APPL1: variants seen among roughly 807,000 people sequenced by gnomAD.
The protein encoded by APPL1 is DCC-interacting protein 13-alpha.
A neutral mutation model predicts 106.8 loss-of-function variants in APPL1; 42 were observed. That is an observed-to-expected ratio of 0.39 (90% CI 0.31 to 0.51). The LOEUF (loss-of-function observed/expected upper bound fraction) is 0.51. APPL1 is among the 20% of genes least tolerant of loss of function. APPL1 has a pLI of 0.75. For synonymous variants in APPL1, 263 were observed against 281.8 expected, an observed-to-expected ratio of 0.93 and a Z score of 0.67; for missense variants, 769 against 858.2, an observed-to-expected ratio of 0.90 and a Z score of 1.30.
intron 14 of APPL1, 36 bp downstream of exon 14, chr3:57,257,087 T>C: frequency 6.3e-7 from 1 of 1,598,186 alleles, no homozygotes; most frequent in Non-Finnish European, 8.6e-7. Flanking sequence ...AAGAAGGAGA[T>C]GGGCTATTTA....
At chr3:57,260,282 T>C (rs2060858299) in intron 18 of APPL1, 129 bp downstream of exon 18, 1 of 1,021,194 alleles carries the variant, frequency 9.8e-7, no homozygotes, top group Non-Finnish European at 1.4e-6. Context: ...CTTTGGCTGT[T>C]GTAGTTAAGT....
chr3:57,251,347 A>C (rs1044086974), intron 11 of APPL1, among the ~76,000 whole-genome samples: 1 of 151,334 alleles, frequency 6.6e-6, no homozygotes, highest in Non-Finnish European at 1.5e-5. Context: ...AATGTGGTGA[A>C]ATCCAGTCTC....
chr3:57,255,824 T>G (rs981911831), intron 13 of APPL1, among the ~76,000 whole-genome samples: 1 of 152,144 alleles, frequency 6.6e-6, no homozygotes, highest in Non-Finnish European at 1.5e-5. Flanking sequence ...AATAATTTAT[T>G]TTATCATTTA....
rs1160336737 is a variant in APPL1, at chr3:57,271,255, A to G, written c.*1568A>G. The G allele has an allele frequency of 6.6e-6, 1 of 152,598 alleles. No homozygotes were observed. Among genetic ancestry groups the G allele is most frequent in the African/African-American group, 2.4e-5 (1 of 41,444 alleles). The allele number at this position is 152,598 out of a possible 1,614,324, so 9.5% of individuals were successfully genotyped here. ...TATATGTACATTGTTTTCTGTAGGAATAGGATAATGATATATAGGATCATG... is the reference window on the plus strand; with the variant it reads ...TATATGTACATTGTTTTCTGTAGGAGTAGGATAATGATATATAGGATCATG... On this transcript the variant is annotated 3_prime_UTR_variant, in exon 22 of 22. Coordinates refer to ENST00000288266, the MANE Select transcript of APPL1 (RefSeq NM_012096.3).
chr3:57,237,516 C>T lies in APPL1; in HGVS notation c.178C>T (p.Leu60=), dbSNP rs755861136. The change falls in exon 3 of 22, where the codon CTG becomes TTG. Residue 60 remains leucine (L), a synonymous_variant. Coordinates refer to ENST00000288266, the MANE Select transcript of APPL1 (RefSeq NM_012096.3). The part of the protein sequence containing the change: ...AQNELSAATH[L]TSKLLKEYEK... ...GAATGAATTAAGTGCAGCAACACAC[C>T]TGACCTCAAAACTTTTAAAAGAATA... 2 of 1,602,928 alleles carry T rather than the reference C, an allele frequency of 1.2e-6. No individual in the cohort carries two copies. The highest frequency in any genetic ancestry group is 1.1e-5 in the South Asian group (1 of 87,938).
intron 4 of APPL1, 40 bp downstream of exon 4, chr3:57,238,156 T>C: frequency 1.4e-6 from 2 of 1,456,986 alleles, no homozygotes; most frequent in Non-Finnish European, 1.9e-6. Context: ...AATGGTCTTA[T>C]AATTGAGTTA....
chr3:57,246,276 C>T (rs2060773735), intron 8 of APPL1, 54 bp downstream of exon 8: 1 of 1,325,260 alleles, frequency 7.5e-7, no homozygotes, highest in Non-Finnish European at 9.9e-7. Flanking sequence ...TTATATTAAG[C>T]TTGATATTTA....
intron 20 of APPL1, 102 bp downstream of exon 20, chr3:57,267,894 C>T: frequency 1.7e-6 from 2 of 1,186,112 alleles, no homozygotes; most frequent in Non-Finnish European, 1.2e-6. Context: ...GAGTTCGAGA[C>T]TAACCTGGCC....
At position 57,259,921 on chromosome 3, in the gene APPL1, T is replaced by G. The variant is rs769974020; in HGVS notation, c.1560T>G (p.Val520=). ...TGAAATCAGATGACCATCCAGATGTTGTTTATGAAACTATGCGCCAAATCT... is the reference window on the plus strand; with the variant it reads ...TGAAATCAGATGACCATCCAGATGTGGTTTATGAAACTATGCGCCAAATCT... The part of the protein sequence containing the change: ...MEVKSDDHPD[V]VYETMRQILA... The change falls in exon 17 of 22, where the codon GTT becomes GTG. Residue 520 remains valine (V), a synonymous_variant. Transcript: ENST00000288266. The G allele has an allele frequency of 6.2e-7, 1 of 1,613,870 alleles. No homozygotes were observed. Among genetic ancestry groups the G allele is most frequent in the Non-Finnish European group, 8.5e-7 (1 of 1,179,984 alleles).
rs1310795636 is a variant in APPL1, at chr3:57,270,032, A to G, written c.*345A>G. On this transcript the variant is annotated 3_prime_UTR_variant, in exon 22 of 22. Coordinates refer to ENST00000288266, the MANE Select transcript of APPL1 (RefSeq NM_012096.3). The stretch of plus-strand genomic sequence containing the variant: ...TGGCTGTGTCCATAAGAAATCATTT[A>G]TTCTTCAGGCTTAGACATTCATGGA... 1.2e-5 allele frequency: 2 copies of G among 167,620 alleles called. No homozygotes were observed. The highest frequency in any genetic ancestry group is 2.4e-5 in the African/African-American group (1 of 41,986). The allele number at this position is 167,620 out of a possible 1,614,324, so 10.4% of individuals were successfully genotyped here.
intron 16 of APPL1, 52 bp downstream of exon 16, chr3:57,259,132 T>C (rs534042616): frequency 9.1e-6 from 13 of 1,427,080 alleles, no homozygotes; most frequent in Middle Eastern, 1.8e-4. Flanking sequence ...CTCAGCAAAC[T>C]GTGAATAATT....
chr3:57,262,376 G>T, intron 19 of APPL1, among the ~76,000 whole-genome samples: 2 of 74,516 alleles, frequency 2.7e-5, no homozygotes, highest in African/African-American at 9.2e-5. Flanking sequence ...TTTTTCTATG[G>T]AAAATAACCT....
chr3:57,254,214 CAAT>C (rs2060822596), intron 13 of APPL1, among the ~76,000 whole-genome samples: 1 of 152,148 alleles, frequency 6.6e-6, no homozygotes, highest in Admixed American at 6.5e-5. Context: ...CTTCCTAGAA[CAAT>C]AAATTATTTC....
chr3:57,254,082 C>T (rs534891053), intron 13 of APPL1, among the ~76,000 whole-genome samples: 3 of 152,252 alleles, frequency 2.0e-5, no homozygotes, highest in East Asian at 1.9e-4. Flanking sequence ...AGGCTGGTCT[C>T]GAACTCCTGT....
At chr3:57,237,121 T>C (rs563092290) in intron 2 of APPL1, among the ~76,000 whole-genome samples, 4 of 152,360 alleles carry the variant, frequency 2.6e-5, no homozygotes, top group African/African-American at 7.2e-5. Flanking sequence ...TTGTATGTTA[T>C]TAAGTGCTTA....
chr3:57,252,302 T>C lies in APPL1; in HGVS notation c.1086T>C (p.Asp362=). ...TTTTGCAAGCAGAGAGTAAAAAAGATCATGAAGAGGTAAGATTTTACCTAG... is the reference window on the plus strand; with the variant it reads ...TTTTGCAAGCAGAGAGTAAAAAAGACCATGAAGAGGTAAGATTTTACCTAG... ...SSILQAESKK[D]HEEWICTINN... is the part of the protein sequence containing the mutation. The change falls in exon 12 of 22, where the codon GAT becomes GAC. Residue 362 remains aspartate, a synonymous_variant. Transcript: ENST00000288266. The C allele has an allele frequency of 6.2e-7, 1 of 1,607,106 alleles. No homozygotes were observed. The highest frequency in any genetic ancestry group is 8.5e-7 in the Non-Finnish European group (1 of 1,176,568).
Position 57,254,915 on chromosome 3 carries a change from A to G in APPL1, c.1152+1177A>G, listed in dbSNP as rs140991390. On this transcript the variant is annotated intron_variant, in intron 13 of 21. Coordinates refer to ENST00000288266, the MANE Select transcript of APPL1 (RefSeq NM_012096.3). ...GCTGGGATTACAGGCGTGAGCCACC[A>G]CGCCCAGCCAAGTTAAAGATTCTTG... Among the ~76,000 whole-genome samples, 187 of 152,350 alleles carry G rather than the reference A, an allele frequency of 1.2e-3. 1 individual carries two copies. The highest frequency in any genetic ancestry group is 4.3e-3 in the African/African-American group (178 of 41,596).
rs915387175 is a variant in APPL1 at position 57,241,697 on chromosome 3, A to G, written c.374-404A>G. On this transcript the variant is annotated intron_variant, in intron 5 of 21. Coordinates refer to ENST00000288266, the MANE Select transcript of APPL1 (RefSeq NM_012096.3). ...GGTCATTTCTAAGGTCTAGAACAAG[A>G]TCTCTTTTCTTCAGTGTAAGGGGAC... is the stretch of plus-strand genomic sequence containing the variant. 1.6e-4 allele frequency among the ~76,000 whole-genome samples: 25 copies of G among 152,160 alleles called. 1 individual carries two copies. The highest frequency in any genetic ancestry group is 1.4e-3 in the Admixed American group (21 of 15,266).
chr3:57,249,606 A>C, intron 11 of APPL1, 58 bp downstream of exon 11: 1 of 1,377,072 alleles, frequency 7.3e-7, no homozygotes, highest in Non-Finnish European at 9.6e-7. Flanking sequence ...CTGAAATGTG[A>C]GATAATTCCT....
Sources: gnomAD v4.1 joint callset for allele counts (sites outside exome capture counted in the v4.1 genomes callset) on GRCh38, gnomAD v4.1.1 for gene constraint, MANE v1.5 for transcripts, NCBI Gene and HGNC (gene_info 2026-07-23, HGNC 2026-07-21) for gene names.